Variants in FLRT2 observed in about 807,000 individuals in gnomAD.
The protein encoded by FLRT2 is leucine-rich repeat transmembrane protein FLRT2.
FLRT2 carries 15 observed loss-of-function variants against 40.0 expected under a neutral mutation model. The ratio of observed to expected loss-of-function variants is 0.38; its 90% confidence interval spans 0.25 to 0.58. FLRT2 has a LOEUF of 0.58. Among genes scored for constraint, FLRT2 ranks in the 20% least tolerant of loss-of-function variants. The pLI, the probability that FLRT2 is intolerant of heterozygous loss-of-function variation, is 0.71. For missense variants in FLRT2, 726 were observed against 840.0 expected, an observed-to-expected ratio of 0.86 and a Z score of 1.68; for synonymous variants, 380 against 336.8, an observed-to-expected ratio of 1.13 and a Z score of -1.41.
chr14:85,641,018 A>G lies in FLRT2; in HGVS notation c.*17521A>G, dbSNP rs926537878. ...AAAATGCATAGAAAGCATGTACTAC[A>G]TCTAGTGCATTTCTCCATAATGTGG... is the stretch of plus-strand genomic sequence containing the variant. On this transcript the variant is annotated 3_prime_UTR_variant, in exon 2 of 2. Coordinates refer to ENST00000330753, the MANE Select transcript of FLRT2 (RefSeq NM_013231.6). 2.6e-5 allele frequency: 4 copies of G among 152,224 alleles called. No individual in the cohort carries two copies. The highest frequency in any genetic ancestry group is 6.5e-5 in the Admixed American group (1 of 15,280). 9.4% of individuals were successfully genotyped at this position (152,224 alleles called of 1,614,324 possible). A position where few individuals can be genotyped will look rare whatever the true frequency, so the allele number is the denominator to read the frequency against.
At chr14:85,593,840 G>A (rs1192432113) in intron 1 of FLRT2, among the ~76,000 whole-genome samples, 2 of 152,136 alleles carry the variant, frequency 1.3e-5, no homozygotes, top group Non-Finnish European at 2.9e-5. Context: ...TCAGGAGGTT[G>A]AGACTAGCCT....
intron 1 of FLRT2, among the ~76,000 whole-genome samples, chr14:85,555,240 T>A (rs1449789271): frequency 6.6e-6 from 1 of 152,214 alleles, no homozygotes; most frequent in Non-Finnish European, 1.5e-5. Flanking sequence ...CTAGTCAGTA[T>A]GTGAGAATAT....
At chr14:85,540,685 T>C (rs543704164) in intron 1 of FLRT2, among the ~76,000 whole-genome samples, 1 of 151,478 alleles carries the variant, frequency 6.6e-6, no homozygotes, top group African/African-American at 2.4e-5. Flanking sequence ...ATCTATGATT[T>C]GCTATTGTCG....
intron 1 of FLRT2, among the ~76,000 whole-genome samples, chr14:85,565,781 G>A (rs1890589577): frequency 6.6e-6 from 1 of 152,188 alleles, no homozygotes; most frequent in African/African-American, 2.4e-5. Flanking sequence ...TGTGCTTGAT[G>A]TGACACTGAT....
Position 85,639,262 on chromosome 14 carries a change from A to C in FLRT2, c.*15765A>C, listed in dbSNP as rs980757814. On this transcript the variant is annotated 3_prime_UTR_variant, in exon 2 of 2. Transcript: ENST00000330753. ...TCCTTTTCCTTGACAAATTCAGTTA[A>C]CCGGATGGCAAGTTGTTTATGAGCA... 1.3e-5 allele frequency: 2 copies of C among 152,188 alleles called. No individual in the cohort carries two copies. The highest frequency in any genetic ancestry group is 4.8e-5 in the African/African-American group (2 of 41,454). The allele number at this position is 152,188 out of a possible 1,614,324, so 9.4% of individuals were successfully genotyped here.
At chr14:85,589,347 A>G (rs1566742784) in intron 1 of FLRT2, among the ~76,000 whole-genome samples, 2 of 152,038 alleles carry the variant, frequency 1.3e-5, no homozygotes, top group South Asian at 4.1e-4. Context: ...TTTAATTTGC[A>G]TTTCTCTATT....
rs1893994773 is a variant in FLRT2, at chr14:85,636,210, A to C, written c.*12713A>C. 1 of 152,096 alleles carries C rather than the reference A, an allele frequency of 6.6e-6. No individual in the cohort carries two copies. Among genetic ancestry groups the C allele is most frequent in the Non-Finnish European group, 1.5e-5 (1 of 67,984 alleles). The allele number at this position is 152,096 out of a possible 1,614,324, so 9.4% of individuals were successfully genotyped here. A position where few individuals can be genotyped will look rare whatever the true frequency, so the allele number is the denominator to read the frequency against. On this transcript the variant is annotated 3_prime_UTR_variant, in exon 2 of 2. Transcript: ENST00000330753. ...AATAATTTGTTTTAAAGTTAGTTTTAAATATTATGCTACCTCTATAAAGGA... is the reference window on the plus strand; with the variant it reads ...AATAATTTGTTTTAAAGTTAGTTTTCAATATTATGCTACCTCTATAAAGGA...
chr14:85,597,239 G>C (rs1162251638), intron 1 of FLRT2, among the ~76,000 whole-genome samples: 2 of 151,850 alleles, frequency 1.3e-5, no homozygotes, highest in East Asian at 1.9e-4. Context: ...GGCCATGAGA[G>C]AAAGATGAAG....
chr14:85,576,634 T>A (rs1891137770), intron 1 of FLRT2, among the ~76,000 whole-genome samples: 5 of 152,216 alleles, frequency 3.3e-5, no homozygotes. Context: ...CCAAATGCAA[T>A]GGCAGTACAC....
intron 1 of FLRT2, among the ~76,000 whole-genome samples, chr14:85,586,697 C>CACAG (rs1473795642): frequency 2.2e-5 from 2 of 90,574 alleles, no homozygotes; most frequent in African/African-American, 1.0e-4. Flanking sequence ...TATATGTACA[C>CACAG]ACACACACAC....
rs1466396374 is a variant in FLRT2 at position 85,622,066 on chromosome 14, G to A, written c.552G>A (p.Glu184=). The change falls in exon 2 of 2, where the codon GAG becomes GAA. Residue 184 remains glutamate, a synonymous_variant. Transcript: ENST00000330753. The part of the protein sequence containing the change: ...VPVGLPVDLQ[E]LRVDENRIAV... Reference sequence around the variant, plus strand: ...TTGGGCTTCCTGTGGACTTGCAAGAGCTGAGAGTGGATGAAAATCGAATTG... The same window carrying A: ...TTGGGCTTCCTGTGGACTTGCAAGAACTGAGAGTGGATGAAAATCGAATTG... 1 of 1,614,050 alleles carries A rather than the reference G, an allele frequency of 6.2e-7. No homozygotes were observed.
Position 85,643,618 on chromosome 14 carries a change from C to T in FLRT2, c.*20121C>T, listed in dbSNP as rs898499409. 13 of 152,218 alleles carry T rather than the reference C, an allele frequency of 8.5e-5. No individual in the cohort carries two copies. Among genetic ancestry groups the T allele is most frequent in the Admixed American group, 7.2e-4 (11 of 15,248 alleles). The allele number at this position is 152,218 out of a possible 1,614,324, so 9.4% of individuals were successfully genotyped here. A position where few individuals can be genotyped will look rare whatever the true frequency, so the allele number is the denominator to read the frequency against. On this transcript the variant is annotated 3_prime_UTR_variant, in exon 2 of 2. Coordinates refer to ENST00000330753, the MANE Select transcript of FLRT2 (RefSeq NM_013231.6). ...ATATTAGCCAGGCTGCTCTCAAACT[C>T]CTGACCTCAGGTGATCCACCCGCCT...
rs1894390129 is a variant in FLRT2, at chr14:85,649,789, G to A, written c.*26292G>A. On this transcript the variant is annotated 3_prime_UTR_variant, in exon 2 of 2. Transcript: ENST00000330753. ...GAGTTGTATCAACAGTTTCAAAGGA[G>A]AGAGAGTGTTTTTGGTAAAGGCAAT... is the stretch of plus-strand genomic sequence containing the variant. 1 of 152,016 alleles carries A rather than the reference G, an allele frequency of 6.6e-6. No individual in the cohort carries two copies. The highest frequency in any genetic ancestry group is 6.6e-5 in the Admixed American group (1 of 15,240). 9.4% of individuals were successfully genotyped at this position (152,016 alleles called of 1,614,324 possible).
rs1467325466 is a variant in FLRT2 at position 85,643,347 on chromosome 14, C to CTT, written c.*19852_*19853dup. 1.3e-4 allele frequency: 10 copies of CTT among 79,244 alleles called. No homozygotes were observed. Among genetic ancestry groups the CTT allele is most frequent in the East Asian group, 3.5e-4 (1 of 2,878 alleles). The allele number at this position is 79,244 out of a possible 1,614,324, so 4.9% of individuals were successfully genotyped here. A position where few individuals can be genotyped will look rare whatever the true frequency, so the allele number is the denominator to read the frequency against. On this transcript the variant is annotated 3_prime_UTR_variant, in exon 2 of 2. Transcript: ENST00000330753. ...TCTTTCTTTCTTTCTTTCTTTCTTT[C>CTT]TTTCTTTCTTCCTTCCTTCCTTCCT...
Position 85,639,213 on chromosome 14 carries a change from A to G in FLRT2, c.*15716A>G, listed in dbSNP as rs1449082196. On this transcript the variant is annotated 3_prime_UTR_variant, in exon 2 of 2. Transcript: ENST00000330753. The stretch of plus-strand genomic sequence containing the variant: ...TTTGCTGGAAGCTGGGAAAGTGATG[A>G]CTCTCATTCACTGTTGCCCTGTTTC... 1 of 152,122 alleles carries G rather than the reference A, an allele frequency of 6.6e-6. No individual in the cohort carries two copies. The highest frequency in any genetic ancestry group is 1.9e-4 in the East Asian group (1 of 5,182). The allele number at this position is 152,122 out of a possible 1,614,324, so 9.4% of individuals were successfully genotyped here.
At position 85,535,211 on chromosome 14, in the gene FLRT2, C is replaced by T. The variant is rs182027537; in HGVS notation, c.-377+4677C>T. Among the ~76,000 whole-genome samples the T allele has an allele frequency of 3.0e-3, 461 of 152,278 alleles. 1 individual carries two copies. The highest frequency in any genetic ancestry group is 0.011 in the African/African-American group (437 of 41,560). On this transcript the variant is annotated intron_variant, in intron 1 of 1. Coordinates refer to ENST00000330753, the MANE Select transcript of FLRT2 (RefSeq NM_013231.6). ...GGGCGCTTTGGAGCATGTCCACTCG[C>T]TCACAGACTTATTGCTAAATTTATT...
rs771423662 is a variant in FLRT2, at chr14:85,632,562, G to A, written c.*9065G>A. The A allele has an allele frequency of 2.7e-5, 4 of 150,646 alleles. No homozygotes were observed. Among genetic ancestry groups the A allele is most frequent in the Non-Finnish European group, 4.4e-5 (3 of 67,864 alleles). The allele number at this position is 150,646 out of a possible 1,614,324, so 9.3% of individuals were successfully genotyped here. On this transcript the variant is annotated 3_prime_UTR_variant, in exon 2 of 2. Transcript: ENST00000330753. The stretch of plus-strand genomic sequence containing the variant: ...CACAAAGTTAAACATTTCGACAGTC[G>A]GCTAGTCAAAATGAATTCTTTGCAT...
intron 1 of FLRT2, among the ~76,000 whole-genome samples, chr14:85,552,016 A>T (rs1298533394): frequency 1.3e-5 from 2 of 152,134 alleles, no homozygotes; most frequent in East Asian, 3.9e-4. Context: ...TCTTGCCATG[A>T]ATTGGACTGT....
In FLRT2 at chr14:85,533,940, G is replaced by A. The variant is rs571520071; in HGVS notation, c.-377+3406G>A. Among the ~76,000 whole-genome samples the A allele has an allele frequency of 3.0e-3, 463 of 152,266 alleles. 1 individual carries two copies. The highest frequency in any genetic ancestry group is 0.011 in the African/African-American group (439 of 41,576). On this transcript the variant is annotated intron_variant, in intron 1 of 1. Transcript: ENST00000330753. The stretch of plus-strand genomic sequence containing the variant: ...AAGTTTGGATCTGGGGGAGGGCGCG[G>A]CGCTGAGCGGGATTACCACCAGGGC...
Sources: allele counts gnomAD v4.1 joint callset (sites outside exome capture counted in the v4.1 genomes callset), GRCh38; gene constraint gnomAD v4.1.1; transcripts MANE v1.5; gene names NCBI Gene and HGNC (gene_info 2026-07-23, HGNC 2026-07-21).